PRPF18: variants seen among roughly 807,000 people sequenced by gnomAD.
The protein encoded by PRPF18 is pre-mRNA processing factor 18.
A neutral mutation model predicts 46.5 loss-of-function variants in PRPF18; 38 were observed. The ratio of observed to expected loss-of-function variants is 0.82; its 90% confidence interval spans 0.63 to 1.07. PRPF18 has a LOEUF of 1.07. Among genes scored for constraint, PRPF18 ranks in the 50% least tolerant of loss-of-function variants. The pLI is 0.00. For missense variants in PRPF18, 263 were observed against 410.0 expected (o/e 0.64, Z 3.10); for synonymous variants, 152 against 146.7 (o/e 1.04, Z -0.26).
intron 6 of PRPF18, among the ~76,000 whole-genome samples, 155 bp downstream of exon 6, chr10:13,611,838 G>A (rs558210741): frequency 2.8e-4 from 43 of 151,298 alleles, no homozygotes; most frequent in Admixed American, 1.5e-3. Flanking sequence ...TGCACTTGAT[G>A]TAGCAGTTAG....
In PRPF18 at chr10:13,630,334, A is replaced by G. The variant is rs147572913; in HGVS notation, c.1023A>G (p.Ala341=). 271 of 1,607,726 alleles carry G rather than the reference A, an allele frequency of 1.7e-4. 1 individual carries two copies. In the African/African-American group the frequency reaches 1.9e-3, roughly 12 times the overall value. ...TDPSKCVEYN[A]L ...CATCCAAATGTGTGGAGTACAATGC[A>G]CTGTGAGATCTGTGTATGGTGTGTT... Residue 341 remains alanine (A), a synonymous_variant, in exon 10 of 10, where the codon GCA becomes GCG. Transcript: ENST00000378572.
At chr10:13,629,711 A>G (rs1325991238) in intron 9 of PRPF18, among the ~76,000 whole-genome samples, 1 of 152,260 alleles carries the variant, frequency 6.6e-6, no homozygotes, top group Non-Finnish European at 1.5e-5. Context: ...AGATTCATAT[A>G]CATCGGCCTT....
intron 1 of PRPF18, among the ~76,000 whole-genome samples, chr10:13,587,707 C>G (rs189548469): frequency 8.5e-5 from 13 of 152,334 alleles, no homozygotes; most frequent in Middle Eastern, 3.4e-3. Context: ...GAAGGAGTAC[C>G]TAAAACCCGG....
the PRPF18 span, chr10:13,648,906 G>A: frequency 2.6e-5 from 4 of 152,288 alleles, no homozygotes; most frequent in Middle Eastern, 3.4e-3. Context: ...AAGTAGTCCT[G>A]TGAGTTGCTC....
the PRPF18 span, chr10:13,654,451 T>TG: frequency 3.0e-5 from 48 of 1,610,840 alleles, no homozygotes; most frequent in Admixed American, 5.0e-5. Context: ...GGGGGCTGCT[T>TG]GGGGGGGTGG....
At chr10:13,612,766 T>C (rs893465871) in intron 6 of PRPF18, among the ~76,000 whole-genome samples, 2 of 151,558 alleles carry the variant, frequency 1.3e-5, no homozygotes, top group Non-Finnish European at 2.9e-5. Flanking sequence ...TGTACCACCA[T>C]GCCCAGCTAA....
chr10:13,601,533 A>C (rs1422663316), intron 3 of PRPF18, among the ~76,000 whole-genome samples: 3 of 151,972 alleles, frequency 2.0e-5, no homozygotes, highest in Non-Finnish European at 2.9e-5. Flanking sequence ...CCAGTTCTTC[A>C]CTTGTACAAG....
chr10:13,617,852 C>G (rs2080368410), intron 9 of PRPF18, among the ~76,000 whole-genome samples: 1 of 152,076 alleles, frequency 6.6e-6, no homozygotes, highest in African/African-American at 2.4e-5. Context: ...AAAAAAAATT[C>G]TTCTTTTGCC....
intron 2 of PRPF18, 91 bp from the exon 3 acceptor site, chr10:13,600,153 C>T (rs983986059): frequency 2.0e-6 from 2 of 1,010,970 alleles, no homozygotes; most frequent in Admixed American, 2.5e-5. Flanking sequence ...GTGTTGAAAA[C>T]ATGTTTAACT....
chr10:13,637,326 T>A, the PRPF18 span: 1 of 152,252 alleles, frequency 6.6e-6, no homozygotes, highest in Non-Finnish European at 1.5e-5. Flanking sequence ...TCTGCCTCCT[T>A]GCCACACTTG....
chr10:13,608,989 C>A (rs549577042), intron 4 of PRPF18, among the ~76,000 whole-genome samples: 1 of 152,128 alleles, frequency 6.6e-6, no homozygotes, highest in Non-Finnish European at 1.5e-5. Flanking sequence ...GAATGCCTGG[C>A]GTCATACTTT....
chr10:13,610,235 C>G (rs775817850), intron 5 of PRPF18, 50 bp downstream of exon 5: 1 of 1,572,548 alleles, frequency 6.4e-7, no homozygotes, highest in South Asian at 1.2e-5. Context: ...TCTTTTTCCT[C>G]TGGAGCAGAT....
At chr10:13,632,991 A>G (rs2080603641), downstream of PRPF18, among the ~76,000 whole-genome samples, 1 of 152,224 alleles carries the variant, frequency 6.6e-6, no homozygotes, top group Admixed American at 6.5e-5. Context: ...TCCCTTCAGA[A>G]GTAAATAGTG....
At chr10:13,621,251 C>G (rs1210579844) in intron 9 of PRPF18, among the ~76,000 whole-genome samples, 1 of 152,216 alleles carries the variant, frequency 6.6e-6, no homozygotes, top group Non-Finnish European at 1.5e-5. Context: ...TGTGTTCCCT[C>G]CAAACGTGAC....
At chr10:13,638,842 G>T in the PRPF18 span, 1 of 151,954 alleles carries the variant, frequency 6.6e-6, no homozygotes, top group Non-Finnish European at 1.5e-5. Context: ...TTTGGGTACC[G>T]TCTTCCCCAG....
At chr10:13,629,350 CAT>C (rs1372778822) in intron 9 of PRPF18, among the ~76,000 whole-genome samples, 1 of 152,106 alleles carries the variant, frequency 6.6e-6, no homozygotes, top group Admixed American at 6.5e-5. Flanking sequence ...TTTTTACTGA[CAT>C]ATTAAAGTGG....
chr10:13,632,832 A>G (rs141355804), downstream of PRPF18: 21 of 152,304 alleles, frequency 1.4e-4, no homozygotes, highest in African/African-American at 5.1e-4. Context: ...GCAGGTAAGT[A>G]TTTCTGTTTG....
At chr10:13,654,432 G>C in the PRPF18 span, 13 of 1,609,126 alleles carry the variant, frequency 8.1e-6, no homozygotes, top group Non-Finnish European at 1.1e-5. Flanking sequence ...TGCCAGGTTA[G>C]GATGTGGTGG....
At position 13,610,108 on chromosome 10, in the gene PRPF18, G is replaced by C; in HGVS notation, c.433G>C (p.Gly145Arg). The change falls in exon 5 of 10, where the codon GGT becomes CGT. Residue 145 changes from glycine to arginine, a missense_variant. Transcript: ENST00000378572. ...DQQYLNEIVG[G>R]QEPGEEDTQN... ...GCAGTACCTCAATGAAATCGTCGGC[G>C]GTCAGGAGCCTGGAGAGGAAGACAC... 3.7e-6 allele frequency: 6 copies of C among 1,613,814 alleles called. No homozygotes were observed. Among genetic ancestry groups the C allele is most frequent in the Non-Finnish European group, 4.2e-6 (5 of 1,179,724 alleles).
Sources: gnomAD v4.1 joint callset for allele counts (sites outside exome capture counted in the v4.1 genomes callset) on GRCh38, gnomAD v4.1.1 for gene constraint, MANE v1.5 for transcripts, NCBI Gene and HGNC (gene_info 2026-07-23, HGNC 2026-07-21) for gene names.